LRRC4C: variants seen among roughly 807,000 people sequenced by gnomAD.
The protein encoded by LRRC4C is leucine-rich repeat-containing protein 4C.
Under a neutral mutation model 33.6 loss-of-function variants are expected in LRRC4C, and 5 were observed. That is an observed-to-expected ratio of 0.15 (90% confidence interval 0.08 to 0.31). The LOEUF (loss-of-function observed/expected upper bound fraction) is 0.31, where lower values mean the gene tolerates loss of function less well. LRRC4C is among the 10% of genes least tolerant of loss of function. The pLI is 1.00. For synonymous variants in LRRC4C, 329 were observed against 302.0 expected, an observed-to-expected ratio of 1.09 and a Z score of -0.93; for missense variants, 560 against 796.7, an observed-to-expected ratio of 0.70 and a Z score of 3.58.
chr11:40,422,020 C>T (rs1371671), intron 3 of LRRC4C, among the ~76,000 whole-genome samples: 58,474 of 152,130 alleles, frequency 0.38, 11,564 homozygotes, highest in South Asian at 0.47. Flanking sequence ...GCAGGAAATA[C>T]GCTCCTTAGT....
At chr11:41,176,779 G>A (rs917020645) in intron 1 of LRRC4C, among the ~76,000 whole-genome samples, 3 of 151,834 alleles carry the variant, frequency 2.0e-5, no homozygotes, top group African/African-American at 7.3e-5. Flanking sequence ...CCTGGGCAAC[G>A]TGGTGAAACC....
At chr11:40,481,080 A>C (rs2138404011) in intron 3 of LRRC4C, among the ~76,000 whole-genome samples, 1 of 152,076 alleles carries the variant, frequency 6.6e-6, no homozygotes, top group African/African-American at 2.4e-5. Flanking sequence ...AAAAAAAAAG[A>C]AAATATCTGC....
intron 1 of LRRC4C, among the ~76,000 whole-genome samples, chr11:41,136,395 T>C (rs1222127483): frequency 6.6e-6 from 1 of 151,992 alleles, no homozygotes; most frequent in Non-Finnish European, 1.5e-5. Flanking sequence ...ATTGTACAGA[T>C]GAACAAAAGA....
intron 3 of LRRC4C, among the ~76,000 whole-genome samples, chr11:40,448,255 A>C (rs116811476): frequency 0.011 from 1,633 of 152,162 alleles, 31 homozygotes; most frequent in African/African-American, 0.037. Context: ...TTACCTTTTT[A>C]AAAATTATTA....
intron 1 of LRRC4C, among the ~76,000 whole-genome samples, chr11:41,351,177 G>A (rs1025916284): frequency 1.3e-5 from 2 of 151,944 alleles, no homozygotes; most frequent in Non-Finnish European, 2.9e-5. Flanking sequence ...AGTCTTCAGT[G>A]AGCTATGTAT....
At chr11:41,398,507 C>T (rs573928685) in intron 1 of LRRC4C, among the ~76,000 whole-genome samples, 67 of 152,036 alleles carry the variant, frequency 4.4e-4, no homozygotes, top group African/African-American at 1.5e-3. Flanking sequence ...TCCTAGTAGA[C>T]ATTCCATTCA....
At chr11:40,999,033 A>G (rs949552922) in intron 1 of LRRC4C, among the ~76,000 whole-genome samples, 8 of 152,166 alleles carry the variant, frequency 5.3e-5, no homozygotes, top group African/African-American at 1.9e-4. Flanking sequence ...GCATCAATAA[A>G]ATCACTTAAG....
chr11:41,343,821 G>T (rs2958843), intron 1 of LRRC4C, among the ~76,000 whole-genome samples: 58,227 of 152,010 alleles, frequency 0.38, 12,860 homozygotes, highest in Non-Finnish European at 0.49. Context: ...AAGTATTTAA[G>T]AAATAAGTCA....
intron 4 of LRRC4C, among the ~76,000 whole-genome samples, chr11:40,253,536 T>A (rs1053874301): frequency 6.6e-6 from 1 of 152,226 alleles, no homozygotes; most frequent in Non-Finnish European, 1.5e-5. Flanking sequence ...CAAAAAATGC[T>A]TGTGGTGACT....
chr11:40,717,872 T>G (rs1261170094), intron 2 of LRRC4C, among the ~76,000 whole-genome samples: 2 of 152,190 alleles, frequency 1.3e-5, no homozygotes, highest in Non-Finnish European at 2.9e-5. Flanking sequence ...TGTTCTATAT[T>G]TCTGAAAATG....
chr11:41,098,857 A>T (rs1940979408), intron 1 of LRRC4C, among the ~76,000 whole-genome samples: 1 of 152,100 alleles, frequency 6.6e-6, no homozygotes, highest in Admixed American at 6.6e-5. Context: ...AACTGAAGGA[A>T]ATTTAGATAC....
intron 1 of LRRC4C, among the ~76,000 whole-genome samples, chr11:41,155,946 A>G (rs1195596879): frequency 1.3e-5 from 2 of 152,130 alleles, no homozygotes; most frequent in South Asian, 2.1e-4. Flanking sequence ...AAACAAAGCC[A>G]TCTTCCACGT....
intron 3 of LRRC4C, among the ~76,000 whole-genome samples, chr11:40,450,707 G>T (rs541643324): frequency 6.7e-6 from 1 of 148,334 alleles, no homozygotes; most frequent in African/African-American, 2.5e-5. Context: ...TATATTTAAA[G>T]AATTGGAATC....
chr11:40,922,272 T>G (rs925873055), intron 2 of LRRC4C, among the ~76,000 whole-genome samples: 1 of 152,190 alleles, frequency 6.6e-6, no homozygotes, highest in East Asian at 1.9e-4. Context: ...GAAAATGTAT[T>G]ATACTGTTTA....
At chr11:41,246,475 C>A (rs1051353911) in intron 1 of LRRC4C, among the ~76,000 whole-genome samples, 3 of 152,158 alleles carry the variant, frequency 2.0e-5, no homozygotes, top group African/African-American at 4.8e-5. Context: ...ATGCCCCATC[C>A]GCAGTCGTGG....
chr11:40,875,879 C>A (rs1954860738), intron 2 of LRRC4C, among the ~76,000 whole-genome samples: 3 of 152,020 alleles, frequency 2.0e-5, no homozygotes, highest in Non-Finnish European at 4.4e-5. Flanking sequence ...AATGTAGAAC[C>A]AGTGGGAGCC....
At chr11:40,214,779 T>C (rs2135860736) in intron 5 of LRRC4C, among the ~76,000 whole-genome samples, 1 of 152,256 alleles carries the variant, frequency 6.6e-6, no homozygotes, top group South Asian at 2.1e-4. Context: ...CCACCAAGTC[T>C]GTGGTATTTT....
intron 3 of LRRC4C, among the ~76,000 whole-genome samples, chr11:40,432,851 A>G (rs1392930847): frequency 6.6e-6 from 1 of 152,188 alleles, no homozygotes; most frequent in Non-Finnish European, 1.5e-5. Flanking sequence ...CTATTTAGAG[A>G]GTTATTATTT....
chr11:40,130,736 A>T (rs1856590909), intron 6 of LRRC4C, among the ~76,000 whole-genome samples: 1 of 152,170 alleles, frequency 6.6e-6, no homozygotes, highest in Admixed American at 6.5e-5. Context: ...GTGCTGTGCC[A>T]TTCTGCTTTC....
Sources: allele counts gnomAD v4.1 joint callset (sites outside exome capture counted in the v4.1 genomes callset), GRCh38; gene constraint gnomAD v4.1.1; transcripts MANE v1.5; gene names NCBI Gene and HGNC (gene_info 2026-07-23, HGNC 2026-07-21).